The following PRKCA variants were observed in gnomAD, a reference collection of about 807,000 sequenced individuals.
PRKCA encodes protein kinase C alpha type.
In PRKCA, 27 loss-of-function variants were observed where a neutral mutation model predicts 87.0. The ratio of observed to expected loss-of-function variants is 0.31; its 90% CI spans 0.23 to 0.43. The LOEUF (loss-of-function observed/expected upper bound fraction) is 0.43, where lower values mean the gene tolerates loss of function less well. Ranked by LOEUF, PRKCA falls within the 20% of genes least tolerant of loss-of-function variation. The pLI is 1.00. For missense variants in PRKCA, 518 were observed against 852.3 expected (o/e 0.61, Z 4.88); for synonymous variants, 329 against 311.1 (o/e 1.06, Z -0.61).
intron 2 of PRKCA, among the ~76,000 whole-genome samples, chr17:66,402,384 AAG>A (rs1311400300): frequency 6.6e-6 from 1 of 151,634 alleles, no homozygotes; most frequent in African/African-American, 2.4e-5. Context: ...CTTAGAAGGA[AAG>A]AGAGAAAAGT....
chr17:66,360,196 G>T lies in PRKCA; in HGVS notation c.205+54069G>T, dbSNP rs566753257. On this transcript the variant is annotated intron_variant, in intron 2 of 16. Coordinates refer to ENST00000413366, the MANE Select transcript of PRKCA (RefSeq NM_002737.3). Reference sequence around the variant, plus strand: ...TGTATTTCACTTCTTTGCAGTATTTGAAGTTGGAGGGAAGGGCTTCCACAG... The same window carrying T: ...TGTATTTCACTTCTTTGCAGTATTTTAAGTTGGAGGGAAGGGCTTCCACAG... 5.9e-5 allele frequency among the ~76,000 whole-genome samples: 9 copies of T among 152,284 alleles called. No individual in the cohort carries two copies. In the South Asian group the frequency reaches 1.9e-3, roughly 32 times the overall value.
chr17:66,736,162 G>A (rs1974021204), intron 10 of PRKCA, among the ~76,000 whole-genome samples: 1 of 151,458 alleles, frequency 6.6e-6, no homozygotes, highest in Admixed American at 6.6e-5. Context: ...GACTACAGGT[G>A]TGAGCCACTG....
intron 3 of PRKCA, among the ~76,000 whole-genome samples, chr17:66,497,194 G>A (rs947395359): frequency 3.3e-5 from 5 of 151,968 alleles, no homozygotes; most frequent in Admixed American, 1.3e-4. Context: ...CATCTCTTGT[G>A]TACTTAAAAA....
intron 2 of PRKCA, among the ~76,000 whole-genome samples, chr17:66,351,508 T>C (rs1157982441): frequency 2.0e-5 from 3 of 152,182 alleles, no homozygotes; most frequent in Admixed American, 2.0e-4. Context: ...GAGTGAGTAC[T>C]AATACCCTAT....
chr17:66,720,140 G>T (rs1973577387), intron 8 of PRKCA, among the ~76,000 whole-genome samples: 1 of 152,228 alleles, frequency 6.6e-6, no homozygotes, highest in South Asian at 2.1e-4. Context: ...GAGGGAGTAT[G>T]CACCACAGAA....
rs16959278 is a variant in PRKCA at position 66,435,465 on chromosome 17, C to T, written c.206-60736C>T. Among the ~76,000 whole-genome samples, 794 of 152,242 alleles carry T rather than the reference C, an allele frequency of 5.2e-3. 5 individuals are homozygous for T. Among genetic ancestry groups the T allele is most frequent in the African/African-American group, 0.017 (706 of 41,532 alleles). Reference sequence around the variant, plus strand: ...TGTGTGCTGTGTTCTTATTGGCAATCGCGAGACGCACTCACGGAATCACAG... The same window carrying T: ...TGTGTGCTGTGTTCTTATTGGCAATTGCGAGACGCACTCACGGAATCACAG... On this transcript the variant is annotated intron_variant, in intron 2 of 16. Coordinates refer to ENST00000413366, the MANE Select transcript of PRKCA (RefSeq NM_002737.3).
intron 2 of PRKCA, among the ~76,000 whole-genome samples, chr17:66,319,647 G>T (rs998715465): frequency 1.3e-5 from 2 of 151,914 alleles, no homozygotes; most frequent in Non-Finnish European, 2.9e-5. Flanking sequence ...AAGTAACTGG[G>T]TATCTCTTAC....
At chr17:66,549,186 G>A (rs1435416069) in intron 3 of PRKCA, among the ~76,000 whole-genome samples, 2 of 151,094 alleles carry the variant, frequency 1.3e-5, no homozygotes, top group African/African-American at 4.9e-5. Flanking sequence ...GTCCATGCAG[G>A]TGCCATTATT....
At chr17:66,387,321 A>C (rs1247987243) in intron 2 of PRKCA, among the ~76,000 whole-genome samples, 8 of 152,226 alleles carry the variant, frequency 5.3e-5, no homozygotes, top group African/African-American at 1.9e-4. Context: ...GACCTGGTGA[A>C]GCAGGTTCTG....
At chr17:66,724,199 G>A (rs1317705860) in intron 8 of PRKCA, among the ~76,000 whole-genome samples, 1 of 152,098 alleles carries the variant, frequency 6.6e-6, no homozygotes, top group African/African-American at 2.4e-5. Context: ...GGGAAGCTTA[G>A]GCAGGAGAAT....
At chr17:66,414,278 G>A (rs1234691503) in intron 2 of PRKCA, among the ~76,000 whole-genome samples, 1 of 152,118 alleles carries the variant, frequency 6.6e-6, no homozygotes, top group Non-Finnish European at 1.5e-5. Context: ...TTGGTGCTGT[G>A]AGTGAGTTCT....
rs1331186954 is a variant in PRKCA, at chr17:66,715,766, TG to T, written c.919-16921del. 2.0e-5 allele frequency among the ~76,000 whole-genome samples: 3 copies of T among 152,334 alleles called. No homozygotes were observed. The East Asian group carries it at 5.8e-4, about 29-fold the overall frequency. On this transcript the variant is annotated intron_variant, in intron 8 of 16. Transcript: ENST00000413366. The stretch of plus-strand genomic sequence containing the variant: ...TTTTGCATCTGCGTAGATACAATTT[TG>T]TGTCTTGTTTGTGCCATCTTGCCCC...
chr17:66,592,343 C>CAAAAAAAAAAAAAA lies in PRKCA; in HGVS notation c.289-49007_289-48994dup, dbSNP rs71160581. Among the ~76,000 whole-genome samples the CAAAAAAAAAAAAAA allele has an allele frequency of 8.5e-4, 70 of 82,288 alleles. 3 individuals carry two copies. Among genetic ancestry groups the CAAAAAAAAAAAAAA allele is most frequent in the South Asian group, 1.8e-3 (4 of 2,242 alleles). The allele number at this position is 82,288 out of a possible 152,430, so 54.0% of individuals were successfully genotyped here. On this transcript the variant is annotated intron_variant, in intron 3 of 16. Coordinates refer to ENST00000413366, the MANE Select transcript of PRKCA (RefSeq NM_002737.3). ...GCACTCCAGTCTGGGTGATCCGTCT[C>CAAAAAAAAAAAAAA]AAAAAAAAAAAAAAAAAAGTTACCA... is the stretch of plus-strand genomic sequence containing the variant.
intron 3 of PRKCA, among the ~76,000 whole-genome samples, chr17:66,542,759 A>T (rs1427503557): frequency 6.6e-6 from 1 of 152,212 alleles, no homozygotes; most frequent in Non-Finnish European, 1.5e-5. Context: ...TTGGAAAATT[A>T]TCTTGCTATT....
chr17:66,634,647 T>C (rs1462254998), intron 3 of PRKCA, among the ~76,000 whole-genome samples: 2 of 152,214 alleles, frequency 1.3e-5, no homozygotes, highest in East Asian at 3.8e-4. Flanking sequence ...CATACACATT[T>C]AATGAAGGTC....
intron 2 of PRKCA, among the ~76,000 whole-genome samples, chr17:66,450,129 T>C (rs1169608004): frequency 1.3e-5 from 2 of 152,022 alleles, no homozygotes; most frequent in African/African-American, 4.8e-5. Context: ...TTTGACAAGA[T>C]CGTTAACTCA....
At chr17:66,499,252 A>G (rs988241525) in intron 3 of PRKCA, among the ~76,000 whole-genome samples, 2 of 152,210 alleles carry the variant, frequency 1.3e-5, no homozygotes, top group South Asian at 2.1e-4. Flanking sequence ...AGGAACTCCA[A>G]CATGTTGCAT....
chr17:66,470,693 C>G (rs1915290339), intron 2 of PRKCA, among the ~76,000 whole-genome samples: 1 of 152,066 alleles, frequency 6.6e-6, no homozygotes, highest in African/African-American at 2.4e-5. Flanking sequence ...CAAGAATTGC[C>G]CTTTTGAAAG....
rs766834899 is a variant in PRKCA at position 66,392,470 on chromosome 17, C to A, written c.205+86343C>A. Reference sequence around the variant, plus strand: ...ACTATCTCCTCAAAAAACTCATTCCCCTTTACAGTATTTGGAGGTTTGATT... The same window carrying A: ...ACTATCTCCTCAAAAAACTCATTCCACTTTACAGTATTTGGAGGTTTGATT... On this transcript the variant is annotated intron_variant, in intron 2 of 16. Coordinates refer to ENST00000413366, the MANE Select transcript of PRKCA (RefSeq NM_002737.3). 3.3e-5 allele frequency among the ~76,000 whole-genome samples: 5 copies of A among 151,924 alleles called. No homozygotes were observed. In the East Asian group the frequency reaches 7.7e-4, roughly 23 times the overall value.
Sources: gnomAD v4.1 joint callset for allele counts (sites outside exome capture counted in the v4.1 genomes callset) on GRCh38, gnomAD v4.1.1 for gene constraint, MANE v1.5 for transcripts, NCBI Gene and HGNC (gene_info 2026-07-23, HGNC 2026-07-21) for gene names.